Variants in SNX29 observed in about 807,000 individuals in gnomAD.
The protein encoded by SNX29 is sorting nexin 29.
Under a neutral mutation model 102.1 loss-of-function variants are expected in SNX29, and 78 were observed. The observed-to-expected ratio is 0.76, with a 90% CI of 0.64 to 0.92. SNX29 has a LOEUF of 0.92. Ranked by LOEUF, SNX29 falls within the 40% of genes least tolerant of loss-of-function variation. SNX29 has a pLI of 0.00. For missense variants in SNX29, 1,280 were observed against 1,061.7 expected, an observed-to-expected ratio of 1.21 and a Z score of -2.86; for synonymous variants, 580 against 414.5, an observed-to-expected ratio of 1.40 and a Z score of -4.85.
chr16:12,058,182 C>G (rs866837377), intron 8 of SNX29, among the ~76,000 whole-genome samples: 6 of 152,046 alleles, frequency 3.9e-5, no homozygotes, highest in African/African-American at 1.4e-4. Flanking sequence ...TTCATTACAA[C>G]TGTGTAAAGA....
chr16:12,301,542 C>A (rs2080173690), intron 15 of SNX29, among the ~76,000 whole-genome samples: 1 of 152,258 alleles, frequency 6.6e-6, no homozygotes, highest in Non-Finnish European at 1.5e-5. Context: ...ATGGTGCCTT[C>A]TGTCTGACTA....
At position 12,573,574 on chromosome 16, in the gene SNX29, C is replaced by CA. The variant is rs2079231491; in HGVS notation, c.*4946dup. The CA allele has an allele frequency of 4.5e-6, 1 of 223,268 alleles. No homozygotes were observed. The highest frequency in any genetic ancestry group is 8.9e-6 in the Non-Finnish European group (1 of 111,820). 13.8% of individuals were successfully genotyped at this position (223,268 alleles called of 1,614,324 possible). ...CATCCTAACCGGAAAACCACTCACC[C>CA]AGGCTTCCCCCACTTCCCCTCAAAT... On this transcript the variant is annotated 3_prime_UTR_variant, in exon 21 of 21. Transcript: ENST00000566228.
intron 18 of SNX29, among the ~76,000 whole-genome samples, chr16:12,465,153 A>T (rs1418263068): frequency 6.6e-6 from 1 of 152,170 alleles, no homozygotes; most frequent in South Asian, 2.1e-4. Context: ...GGGGTTGCAA[A>T]TATCTTCTAC....
chr16:12,469,945 G>A (rs1440432641), intron 18 of SNX29, among the ~76,000 whole-genome samples: 2 of 152,148 alleles, frequency 1.3e-5, no homozygotes, highest in Non-Finnish European at 2.9e-5. Flanking sequence ...CCCGGGAGGC[G>A]GAGGTTGCAG....
At chr16:12,241,095 G>A (rs1378296296) in intron 14 of SNX29, among the ~76,000 whole-genome samples, 1 of 152,098 alleles carries the variant, frequency 6.6e-6, no homozygotes, top group Non-Finnish European at 1.5e-5. Context: ...TTAGCTATTT[G>A]TGTTTGCTCA....
At chr16:12,434,458 C>T (rs57685416) in intron 18 of SNX29, among the ~76,000 whole-genome samples, 2 of 152,136 alleles carry the variant, frequency 1.3e-5, no homozygotes, top group East Asian at 1.9e-4. Flanking sequence ...GCGAGGGAGC[C>T]GATGTTCATC....
intron 14 of SNX29, among the ~76,000 whole-genome samples, chr16:12,269,036 TC>T (rs1272133770): frequency 1.3e-5 from 2 of 152,264 alleles, no homozygotes; most frequent in African/African-American, 4.8e-5. Flanking sequence ...CCACAGCTTT[TC>T]TGGAACATGA....
intron 18 of SNX29, among the ~76,000 whole-genome samples, chr16:12,431,660 T>C (rs2085321311): frequency 6.6e-6 from 1 of 152,152 alleles, no homozygotes; most frequent in Non-Finnish European, 1.5e-5. Flanking sequence ...GAGTTTTCTC[T>C]CTGAGTTGAA....
At chr16:12,384,428 C>T (rs1286438484) in intron 16 of SNX29, among the ~76,000 whole-genome samples, 1 of 152,148 alleles carries the variant, frequency 6.6e-6, no homozygotes, top group Non-Finnish European at 1.5e-5. Flanking sequence ...TGGGGTGACA[C>T]GATATCTCAT....
At chr16:12,339,504 C>T (rs1005402794) in intron 15 of SNX29, among the ~76,000 whole-genome samples, 2 of 150,966 alleles carry the variant, frequency 1.3e-5, no homozygotes, top group African/African-American at 4.9e-5. Context: ...AAAACTCAAA[C>T]TGGGCTTAAC....
chr16:12,432,445 T>C (rs4780438), intron 18 of SNX29, among the ~76,000 whole-genome samples: 63,058 of 151,924 alleles, frequency 0.42, 13,348 homozygotes, highest in Non-Finnish European at 0.46. Context: ...CCCAGGCTGG[T>C]ATGGGGAGTG....
At chr16:12,558,292 G>A (rs529265974) in intron 20 of SNX29, among the ~76,000 whole-genome samples, 5 of 152,084 alleles carry the variant, frequency 3.3e-5, no homozygotes, top group African/African-American at 4.8e-5. Context: ...GCTCTGAAAC[G>A]CGAGATGGCC....
chr16:12,278,919 G>A (rs1302358975), intron 15 of SNX29, among the ~76,000 whole-genome samples: 1 of 152,032 alleles, frequency 6.6e-6, no homozygotes, highest in Non-Finnish European at 1.5e-5. Flanking sequence ...TATCTTGGTA[G>A]GAAATGAAAA....
chr16:12,539,103 TG>T (rs1390984248), intron 20 of SNX29, among the ~76,000 whole-genome samples: 4 of 152,348 alleles, frequency 2.6e-5, no homozygotes, highest in African/African-American at 9.6e-5. Context: ...GAGTCCTACT[TG>T]CCTTTACTTT....
intron 18 of SNX29, among the ~76,000 whole-genome samples, chr16:12,418,958 G>A (rs75976355): frequency 1.2e-3 from 178 of 152,274 alleles, no homozygotes; most frequent in African/African-American, 4.0e-3. Flanking sequence ...CCTGTCTGAT[G>A]CCTCCCTTGC....
rs971605267 is a variant in SNX29 at position 11,986,967 on chromosome 16, T to C, written c.7+10154T>C. Among the ~76,000 whole-genome samples, 6 of 152,332 alleles carry C rather than the reference T, an allele frequency of 3.9e-5. No individual in the cohort carries two copies. The East Asian group carries it at 5.8e-4, about 15-fold the overall frequency. ...ACTGCAATACAAATCTTCGTGCCCA[T>C]TGATGCTCAGGAAGTCATTGTGTTA... On this transcript the variant is annotated intron_variant, in intron 1 of 20. Transcript: ENST00000566228.
intron 14 of SNX29, among the ~76,000 whole-genome samples, chr16:12,265,663 C>G (rs1378006719): frequency 8.0e-6 from 1 of 125,698 alleles, no homozygotes; most frequent in Non-Finnish European, 1.6e-5. Flanking sequence ...GAGTTTGAGA[C>G]CAGCCTAGGA....
chr16:12,105,893 C>T (rs561444398), intron 11 of SNX29, among the ~76,000 whole-genome samples: 54 of 152,130 alleles, frequency 3.5e-4, no homozygotes, highest in African/African-American at 1.2e-3. Context: ...TGGGGGACTG[C>T]GACCATATTT....
At chr16:12,447,021 G>A (rs939205190) in intron 18 of SNX29, among the ~76,000 whole-genome samples, 5 of 151,720 alleles carry the variant, frequency 3.3e-5, no homozygotes, top group African/African-American at 1.2e-4. Context: ...AAAAAAATTA[G>A]CAGGGTGTGG....
Sources: allele counts gnomAD v4.1 joint callset (sites outside exome capture counted in the v4.1 genomes callset), GRCh38; gene constraint gnomAD v4.1.1; transcripts MANE v1.5; gene names NCBI Gene and HGNC (gene_info 2026-07-23, HGNC 2026-07-21).